CSGALNACT1: variants seen among roughly 807,000 people sequenced by gnomAD.
CSGALNACT1 encodes the protein chondroitin sulfate N-acetylgalactosaminyltransferase 1, also known as beta4GalNAcT-1.
Under a neutral mutation model 51.0 loss-of-function variants are expected in CSGALNACT1, and 52 were observed. That is an observed-to-expected ratio of 1.02 (90% CI 0.82 to 1.29). The LOEUF is 1.29. Among genes scored for constraint, CSGALNACT1 ranks in the 50% most tolerant of loss-of-function variants. The pLI is 0.00. For missense variants in CSGALNACT1, 935 were observed against 679.2 expected (o/e 1.38, Z -4.19); for synonymous variants, 341 against 254.4 (o/e 1.34, Z -3.24).
At chr8:19,553,640 A>ATACATATATATATATATATAT (rs201836569) in intron 3 of CSGALNACT1, among the ~76,000 whole-genome samples, 8 of 117,044 alleles carry the variant, frequency 6.8e-5, no homozygotes, top group African/African-American at 3.0e-4. Flanking sequence ...TATATATATA[A>ATACATATATATATATATATAT]AAAAATATGT....
chr8:19,654,945 T>TA lies in CSGALNACT1; in HGVS notation c.-544+27527dup, dbSNP rs970429740. Among the ~76,000 whole-genome samples, 1,389 of 146,964 alleles carry TA rather than the reference T, an allele frequency of 9.5e-3. 4 individuals are homozygous for TA. The highest frequency in any genetic ancestry group is 0.013 in the Non-Finnish European group (882 of 66,342). ...AAAGAAAGTATTCCCCTAGTTCTAC[T>TA]AAAAAAAAAAATTCTAAAATCACCT... On this transcript the variant is annotated intron_variant, in intron 1 of 9. Transcript: ENST00000332246.
intron 3 of CSGALNACT1, among the ~76,000 whole-genome samples, chr8:19,527,241 G>A (rs951730209): frequency 6.6e-6 from 1 of 152,186 alleles, no homozygotes; most frequent in Non-Finnish European, 1.5e-5. Context: ...CACGCATTCA[G>A]AAACAGCTTT....
At chr8:19,556,910 C>T (rs966544229) in intron 3 of CSGALNACT1, among the ~76,000 whole-genome samples, 1 of 150,650 alleles carries the variant, frequency 6.6e-6, no homozygotes, top group Non-Finnish European at 1.5e-5. Context: ...AAGTTAGAGA[C>T]ACCTGTAGGC....
chr8:19,441,241 A>G (rs191906111), intron 5 of CSGALNACT1, among the ~76,000 whole-genome samples: 2 of 152,340 alleles, frequency 1.3e-5, no homozygotes, highest in Non-Finnish European at 2.9e-5. Flanking sequence ...ATGGAACCAA[A>G]AAAGAGCCTG....
chr8:19,405,937 C>T (rs760302332), exon 10 of CSGALNACT1: 2 of 1,614,110 alleles, frequency 1.2e-6, no homozygotes, highest in Non-Finnish European at 1.7e-6. Flanking sequence ...CTCGTCCATG[C>T]AGCGCTTCTC....
At chr8:19,561,269 T>G (rs2040649192) in intron 3 of CSGALNACT1, among the ~76,000 whole-genome samples, 1 of 152,240 alleles carries the variant, frequency 6.6e-6, no homozygotes, top group Non-Finnish European at 1.5e-5. Flanking sequence ...TTCATTAACC[T>G]CTACATTTAT....
chr8:19,439,370 AG>A (rs1195571363), intron 6 of CSGALNACT1, among the ~76,000 whole-genome samples: 4 of 152,336 alleles, frequency 2.6e-5, no homozygotes, highest in Admixed American at 6.5e-5. Flanking sequence ...AACGAATGAA[AG>A]CCCAAAGGGT....
chr8:19,706,775 C>T (rs1032848180), intron 1 of CSGALNACT1, among the ~76,000 whole-genome samples: 1 of 152,112 alleles, frequency 6.6e-6, no homozygotes, highest in Non-Finnish European at 1.5e-5. Context: ...AGGCATGCAC[C>T]ACCATGCCTG....
Position 19,725,257 on chromosome 8 carries a change from T to C in CSGALNACT1, c.-297+32593A>G, listed in dbSNP as rs138379380. Among the ~76,000 whole-genome samples the C allele has an allele frequency of 5.3e-3, 800 of 152,290 alleles. 6 individuals carry two copies. The highest frequency in any genetic ancestry group is 0.018 in the African/African-American group (761 of 41,564). On this transcript the variant is annotated intron_variant, in intron 1 of 1. Coordinates refer to the CSGALNACT1 transcript ENST00000517494. ...CAGCCCACCCTCCATTCTAAAGAGA[T>C]GGCTGAGTTTTGGAAGGCATAGCTA... is the stretch of plus-strand genomic sequence containing the variant.
intron 1 of CSGALNACT1, among the ~76,000 whole-genome samples, chr8:19,745,744 G>T (rs2064613687): frequency 6.6e-6 from 1 of 152,194 alleles, no homozygotes; most frequent in African/African-American, 2.4e-5. Flanking sequence ...AGGGGGTCAT[G>T]TCCAGGTCCT....
intron 1 of CSGALNACT1, among the ~76,000 whole-genome samples, chr8:19,696,166 C>T (rs1418434293): frequency 6.6e-6 from 1 of 152,168 alleles, no homozygotes; most frequent in East Asian, 1.9e-4. Context: ...AATAATTAGA[C>T]ATCCAGCAGT....
chr8:19,431,750 T>C (rs1485526176), intron 6 of CSGALNACT1, among the ~76,000 whole-genome samples: 1 of 152,120 alleles, frequency 6.6e-6, no homozygotes, highest in Non-Finnish European at 1.5e-5. Context: ...GTGTTAATTC[T>C]TTAAACACTT....
At chr8:19,732,475 T>C (rs966413241) in intron 1 of CSGALNACT1, 5 of 152,214 alleles carry the variant, frequency 3.3e-5, no homozygotes, top group African/African-American at 1.2e-4. Flanking sequence ...ACCTTTCACT[T>C]GATATTGTCT....
At chr8:19,748,853 TACTTGGGAG>T (rs1366312604) in intron 1 of CSGALNACT1, among the ~76,000 whole-genome samples, 12 of 151,770 alleles carry the variant, frequency 7.9e-5, no homozygotes, top group Admixed American at 7.9e-4. Flanking sequence ...TAATCCCAGC[TACTTGGGAG>T]ACTGAGGCAG....
At chr8:19,696,079 C>T (rs1355467398) in intron 1 of CSGALNACT1, among the ~76,000 whole-genome samples, 1 of 152,164 alleles carries the variant, frequency 6.6e-6, no homozygotes, top group East Asian at 1.9e-4. Context: ...TCCTACAAAT[C>T]GTCTTTTAAA....
intron 3 of CSGALNACT1, among the ~76,000 whole-genome samples, chr8:19,509,017 G>C (rs1007257241): frequency 1.3e-5 from 2 of 152,174 alleles, no homozygotes; most frequent in African/African-American, 2.4e-5. Context: ...TTTTTAGGAA[G>C]GATGGGCATT....
intron 2 of CSGALNACT1, among the ~76,000 whole-genome samples, chr8:19,600,966 T>C (rs2050293110): frequency 6.6e-6 from 1 of 152,140 alleles, no homozygotes; most frequent in Non-Finnish European, 1.5e-5. Flanking sequence ...GCCTATTGAA[T>C]TACTTCTAGA....
intron 1 of CSGALNACT1, among the ~76,000 whole-genome samples, chr8:19,721,999 G>A (rs973357507): frequency 1.0e-4 from 14 of 137,572 alleles, no homozygotes; most frequent in African/African-American, 3.5e-4. Flanking sequence ...GTAAGTCTTC[G>A]ACTCAAGCAA....
chr8:19,478,145 T>G (rs1238429641), intron 4 of CSGALNACT1, among the ~76,000 whole-genome samples: 1 of 143,642 alleles, frequency 7.0e-6, no homozygotes, highest in Non-Finnish European at 1.5e-5. Flanking sequence ...CCGGGTGCGG[T>G]GGCTCACGCC....
Sources: allele counts gnomAD v4.1 joint callset (sites outside exome capture counted in the v4.1 genomes callset), GRCh38; gene constraint gnomAD v4.1.1; transcripts MANE v1.5; gene names NCBI Gene and HGNC (gene_info 2026-07-23, HGNC 2026-07-21).